Variants in NR2C2 observed in about 807,000 individuals in gnomAD.
NR2C2 encodes the protein Nuclear hormone receptor TR4.
NR2C2 carries 6 observed loss-of-function variants against 62.9 expected under a neutral mutation model. The ratio of observed to expected loss-of-function variants is 0.10; its 90% CI spans 0.05 to 0.19. NR2C2 has a LOEUF of 0.19. Among genes scored for constraint, NR2C2 ranks in the 10% least tolerant of loss-of-function variants. The pLI is 1.00. For synonymous variants in NR2C2, 272 were observed against 273.8 expected (o/e 0.99, Z 0.07); for missense variants, 479 against 762.7 (o/e 0.63, Z 4.38).
intron 3 of NR2C2, among the ~76,000 whole-genome samples, chr3:15,014,110 T>G (rs2041432843): frequency 6.6e-6 from 1 of 152,214 alleles, no homozygotes; most frequent in African/African-American, 2.4e-5. Flanking sequence ...CAGCCCTTGA[T>G]ATTTTAAAGG....
chr3:15,024,079 T>TG, intron 6 of NR2C2, 36 bp from the exon 7 acceptor site: 1 of 1,385,054 alleles, frequency 7.2e-7, no homozygotes, highest in Non-Finnish European at 1.0e-6. Context: ...CATAAAATGT[T>TG]GGAAGCTACT....
chr3:14,979,140 C>T (rs2125321014), intron 1 of NR2C2, among the ~76,000 whole-genome samples: 1 of 152,298 alleles, frequency 6.6e-6, no homozygotes, highest in South Asian at 2.1e-4. Context: ...ATCTCCTTGA[C>T]TATTCTTTTT....
intron 1 of NR2C2, among the ~76,000 whole-genome samples, chr3:14,973,766 T>G (rs897462376): frequency 6.6e-6 from 1 of 152,184 alleles, no homozygotes; most frequent in Non-Finnish European, 1.5e-5. Context: ...TGGCTCTCTC[T>G]CCTTTTTTTT....
chr3:14,985,732 T>C (rs1559546509), intron 1 of NR2C2, among the ~76,000 whole-genome samples: 1 of 152,188 alleles, frequency 6.6e-6, no homozygotes, highest in African/African-American at 2.4e-5. Context: ...GCTACTCCTC[T>C]AAGATGTGCA....
intron 1 of NR2C2, among the ~76,000 whole-genome samples, chr3:14,962,821 C>A (rs952465414): frequency 6.6e-6 from 1 of 151,974 alleles, no homozygotes; most frequent in South Asian, 2.1e-4. Flanking sequence ...CTTGATTCTT[C>A]GTTAATATTA....
chr3:15,021,030 T>A, intron 5 of NR2C2, 98 bp downstream of exon 5: 1 of 1,216,592 alleles, frequency 8.2e-7, no homozygotes, highest in Non-Finnish European at 1.1e-6. Context: ...TAAAATACTT[T>A]AAGAAAAAAA....
chr3:14,971,501 C>T (rs2040038988), intron 1 of NR2C2, among the ~76,000 whole-genome samples: 1 of 151,644 alleles, frequency 6.6e-6, no homozygotes, highest in African/African-American at 2.4e-5. Flanking sequence ...CATCTGTATA[C>T]CCAGAAGTGG....
At chr3:15,042,700 A>G (rs1197694280) in intron 13 of NR2C2, 134 bp from the exon 14 acceptor site, 4 of 720,076 alleles carry the variant, frequency 5.6e-6, no homozygotes, top group Non-Finnish European at 6.9e-6. Flanking sequence ...TGAAATCAGA[A>G]AAGAGAGGTG....
chr3:15,038,323 C>T, intron 12 of NR2C2, 186 bp downstream of exon 12: 1 of 519,450 alleles, frequency 1.9e-6, no homozygotes, highest in Non-Finnish European at 3.3e-6. Context: ...TTTACAGCCC[C>T]AAAGAAATAT....
At position 14,984,832 on chromosome 3, in the gene NR2C2, G is replaced by T. The variant is rs533863184; in HGVS notation, c.-39-19044G>T. Among the ~76,000 whole-genome samples, 137 of 146,022 alleles carry T rather than the reference G, an allele frequency of 9.4e-4. 2 individuals carry two copies. Among genetic ancestry groups the T allele is most frequent in the African/African-American group, 3.3e-3 (133 of 40,040 alleles). On this transcript the variant is annotated intron_variant, in intron 1 of 13. Coordinates refer to ENST00000425241, the MANE Select transcript of NR2C2 (RefSeq NM_001291694.2). ...AGTGGAATTGCTGGATCATATGGTG[G>T]TTTTTTTTTTTAAAGAGACTGCCAA...
Position 14,974,512 on chromosome 3 carries a change from C to T in NR2C2, c.-40+26606C>T, listed in dbSNP as rs147210119. Among the ~76,000 whole-genome samples the T allele has an allele frequency of 4.3e-3, 651 of 152,128 alleles. 1 individual carries two copies. Among genetic ancestry groups the T allele is most frequent in the African/African-American group, 0.015 (611 of 41,476 alleles). On this transcript the variant is annotated intron_variant, in intron 1 of 13. Coordinates refer to ENST00000425241, the MANE Select transcript of NR2C2 (RefSeq NM_001291694.2). ...CATAACAGTATTAAGTCTTTCAATC[C>T]ATGAACACAGGATGTTTTTCCACTT...
intron 1 of NR2C2, among the ~76,000 whole-genome samples, chr3:14,976,961 A>AT (rs1341510033): frequency 6.6e-6 from 1 of 151,888 alleles, no homozygotes; most frequent in Non-Finnish European, 1.5e-5. Flanking sequence ...TAGTATATAT[A>AT]TTTTTTCATA....
At chr3:15,025,654 T>C (rs1327158051) in intron 7 of NR2C2, 1 of 152,268 alleles carries the variant, frequency 6.6e-6, no homozygotes, top group Non-Finnish European at 1.5e-5. Flanking sequence ...TAAAATAATT[T>C]ACTATGAAGG....
intron 5 of NR2C2, among the ~76,000 whole-genome samples, chr3:15,022,253 T>G (rs1559298455): frequency 6.6e-6 from 1 of 152,206 alleles, no homozygotes; most frequent in African/African-American, 2.4e-5. Context: ...TAGCATAATA[T>G]AAAATTGACA....
At chr3:14,958,333 T>C (rs934357436) in intron 1 of NR2C2, among the ~76,000 whole-genome samples, 1 of 152,030 alleles carries the variant, frequency 6.6e-6, no homozygotes, top group East Asian at 1.9e-4. Context: ...GAAGATCTTC[T>C]GTAGCACTTT....
At chr3:15,010,865 A>G (rs576012235) in intron 2 of NR2C2, among the ~76,000 whole-genome samples, 53 of 152,190 alleles carry the variant, frequency 3.5e-4, no homozygotes, top group Non-Finnish European at 6.9e-4. Context: ...AAGAGCATAC[A>G]AGAAATGACA....
At chr3:15,038,989 C>A in intron 12 of NR2C2, 133 bp from the exon 13 acceptor site, 1 of 672,192 alleles carries the variant, frequency 1.5e-6, no homozygotes, top group Non-Finnish European at 2.6e-6. Context: ...AATACCCAAA[C>A]TAGATCAGTC....
chr3:14,966,086 G>A (rs2039845463), intron 1 of NR2C2, among the ~76,000 whole-genome samples: 1 of 152,204 alleles, frequency 6.6e-6, no homozygotes, highest in African/African-American at 2.4e-5. Context: ...ATGAGTAAGA[G>A]GGCCTACACT....
At chr3:15,016,401 A>G (rs2041513072) in intron 4 of NR2C2, 147 bp downstream of exon 4, 16 of 590,546 alleles carry the variant, frequency 2.7e-5, no homozygotes, top group East Asian at 5.8e-5. Flanking sequence ...TTATTGGGGT[A>G]ATGATGTAAA....
Sources: gnomAD v4.1 joint callset for allele counts (sites outside exome capture counted in the v4.1 genomes callset) on GRCh38, gnomAD v4.1.1 for gene constraint, MANE v1.5 for transcripts, NCBI Gene and HGNC (gene_info 2026-07-23, HGNC 2026-07-21) for gene names.